Variants in TRPM3 observed in about 807,000 individuals in gnomAD.
The protein encoded by TRPM3 is transient receptor potential cation channel subfamily M member 3, also known as long transient receptor potential channel 3.
A neutral mutation model predicts 181.2 loss-of-function variants in TRPM3; 77 were observed. That is an observed-to-expected ratio of 0.42 (90% CI 0.35 to 0.51). The LOEUF (loss-of-function observed/expected upper bound fraction) is 0.51, where lower values mean the gene tolerates loss of function less well. Ranked by LOEUF, TRPM3 falls within the 20% of genes least tolerant of loss-of-function variation. The probability of loss-of-function intolerance (pLI) is 0.01; values close to 1 mark genes in which losing one functional copy is unlikely to be tolerated. For synonymous variants in TRPM3, 745 were observed against 796.4 expected (o/e 0.94, Z 1.09); for missense variants, 1,759 against 2,196.7 (o/e 0.80, Z 3.98).
At chr9:70,597,706 T>G (rs549888515) in intron 21 of TRPM3, among the ~76,000 whole-genome samples, 1 of 152,304 alleles carries the variant, frequency 6.6e-6, no homozygotes, top group African/African-American at 2.4e-5. Context: ...TACTTGGGAT[T>G]TTTTCTTCAA....
intron 1 of TRPM3, among the ~76,000 whole-genome samples, chr9:71,238,500 T>C (rs1277577593): frequency 6.6e-6 from 1 of 152,180 alleles, no homozygotes; most frequent in Non-Finnish European, 1.5e-5. Flanking sequence ...TTGCAGTTCT[T>C]CTCAAGCTCC....
intron 1 of TRPM3, among the ~76,000 whole-genome samples, chr9:71,289,158 TGAGAGAGAGA>T (rs369616489): frequency 6.9e-6 from 1 of 145,732 alleles, no homozygotes; most frequent in Non-Finnish European, 1.5e-5. Context: ...AACAAAACAG[TGAGAGAGAGA>T]GAGAGAGAGA....
At chr9:71,271,934 T>A (rs150116228) in intron 1 of TRPM3, among the ~76,000 whole-genome samples, 2 of 152,234 alleles carry the variant, frequency 1.3e-5, no homozygotes, top group Non-Finnish European at 2.9e-5. Flanking sequence ...GCCAAACTAG[T>A]GGCTCGTCTT....
chr9:71,034,811 C>T (rs997921209), intron 1 of TRPM3, among the ~76,000 whole-genome samples: 4 of 150,844 alleles, frequency 2.7e-5, no homozygotes, highest in Admixed American at 2.6e-4. Flanking sequence ...TTGTTGAATG[C>T]TTATCAACAC....
intron 1 of TRPM3, among the ~76,000 whole-genome samples, chr9:71,291,008 A>G (rs1007671099): frequency 3.9e-5 from 6 of 152,182 alleles, no homozygotes; most frequent in African/African-American, 1.4e-4. Context: ...CACAGATGAT[A>G]TTTGATTCAA....
At chr9:71,043,514 C>T (rs925999078) in intron 1 of TRPM3, among the ~76,000 whole-genome samples, 14 of 152,194 alleles carry the variant, frequency 9.2e-5, no homozygotes, top group African/African-American at 2.9e-4. Context: ...AGAACTACAG[C>T]TTTTTCTCAT....
chr9:71,373,726 G>C (rs1163331787), intron 1 of TRPM3, among the ~76,000 whole-genome samples: 3 of 151,582 alleles, frequency 2.0e-5, no homozygotes, highest in African/African-American at 7.3e-5. Context: ...CATTTCTACT[G>C]AAATTAGAAA....
intron 7 of TRPM3, among the ~76,000 whole-genome samples, chr9:70,782,994 G>T (rs2082791233): frequency 6.6e-6 from 1 of 152,074 alleles, no homozygotes; most frequent in African/African-American, 2.4e-5. Flanking sequence ...GCCATGCTCA[G>T]TCTCTATTTA....
intron 8 of TRPM3, chr9:70,760,695 ATC>A (rs2077977222): frequency 7.1e-6 from 1 of 141,664 alleles, no homozygotes; most frequent in Non-Finnish European, 1.5e-5. Context: ...ACATTTTGCT[ATC>A]TCTCTCAGCA....
intron 1 of TRPM3, among the ~76,000 whole-genome samples, chr9:71,213,563 A>G (rs948527665): frequency 1.3e-5 from 2 of 152,204 alleles, no homozygotes; most frequent in African/African-American, 2.4e-5. Context: ...TATGACAGAA[A>G]TGGAAAACAT....
chr9:70,872,859 A>G (rs776821093), intron 1 of TRPM3, among the ~76,000 whole-genome samples: 2 of 151,950 alleles, frequency 1.3e-5, no homozygotes, highest in Non-Finnish European at 2.9e-5. Flanking sequence ...TTGGAAAATG[A>G]TGGCATCAGG....
At chr9:70,947,199 C>A (rs1443530575) in intron 1 of TRPM3, among the ~76,000 whole-genome samples, 2 of 152,130 alleles carry the variant, frequency 1.3e-5, no homozygotes, top group Non-Finnish European at 2.9e-5. Context: ...TCCACTTTAT[C>A]TTTTTCATTG....
intron 1 of TRPM3, among the ~76,000 whole-genome samples, chr9:71,020,301 T>C (rs1030251286): frequency 6.6e-6 from 1 of 151,746 alleles, no homozygotes; most frequent in African/African-American, 2.4e-5. Context: ...ACCCTGTCTC[T>C]ACAAAAAATA....
intron 1 of TRPM3, among the ~76,000 whole-genome samples, chr9:70,997,178 T>C (rs2097547932): frequency 6.6e-6 from 1 of 152,122 alleles, no homozygotes; most frequent in Admixed American, 6.5e-5. Flanking sequence ...CTTGTCACAT[T>C]TTTATACTTA....
At position 71,043,401 on chromosome 9, in the gene TRPM3, G is replaced by A. The variant is rs571969533; in HGVS notation, c.177+77777C>T. Among the ~76,000 whole-genome samples, 358 of 152,272 alleles carry A rather than the reference G, an allele frequency of 2.4e-3. 1 individual carries two copies. The highest frequency in any genetic ancestry group is 3.8e-3 in the Non-Finnish European group (258 of 68,028). On this transcript the variant is annotated intron_variant, in intron 1 of 25. Transcript: ENST00000677713. Reference sequence around the variant, plus strand: ...GAAGTCTCAGCTACCAGAGCAAGTAGCAAGAAATGACTAGTGATTATCTTT... The same window carrying A: ...GAAGTCTCAGCTACCAGAGCAAGTAACAAGAAATGACTAGTGATTATCTTT...
chr9:70,646,052 G>A (rs914462116), intron 9 of TRPM3, among the ~76,000 whole-genome samples: 1 of 152,206 alleles, frequency 6.6e-6, no homozygotes, highest in East Asian at 1.9e-4. Flanking sequence ...AGTTAGAATG[G>A]CAATCATTAA....
At chr9:70,780,101 G>T (rs2082168701) in intron 7 of TRPM3, among the ~76,000 whole-genome samples, 1 of 152,096 alleles carries the variant, frequency 6.6e-6, no homozygotes, top group African/African-American at 2.4e-5. Flanking sequence ...CTTCCAAAGT[G>T]ATTGTCTTTT....
chr9:70,893,017 G>A (rs1273493603), intron 1 of TRPM3, among the ~76,000 whole-genome samples: 1 of 152,112 alleles, frequency 6.6e-6, no homozygotes, highest in African/African-American at 2.4e-5. Context: ...AGCATTTTAA[G>A]CAAGCACAAA....
chr9:70,894,449 A>G (rs2096254072), intron 1 of TRPM3, among the ~76,000 whole-genome samples: 7 of 152,072 alleles, frequency 4.6e-5, no homozygotes, highest in Admixed American at 1.3e-4. Flanking sequence ...TATCTCATGG[A>G]TACAAATGCA....
Sources: gnomAD v4.1 joint callset for allele counts (sites outside exome capture counted in the v4.1 genomes callset) on GRCh38, gnomAD v4.1.1 for gene constraint, MANE v1.5 for transcripts, NCBI Gene and HGNC (gene_info 2026-07-23, HGNC 2026-07-21) for gene names.